Variants in LRRC8D observed in about 807,000 individuals in gnomAD.
The protein encoded by LRRC8D is volume-regulated anion channel subunit LRRC8D.
A neutral mutation model predicts 55.8 loss-of-function variants in LRRC8D; 20 were observed. That is an observed-to-expected ratio of 0.36 (90% confidence interval 0.25 to 0.52). LRRC8D has a LOEUF of 0.52. LRRC8D is among the 20% of genes least tolerant of loss of function. The pLI, the probability that LRRC8D is intolerant of heterozygous loss-of-function variation, is 0.93. For synonymous variants in LRRC8D, 352 were observed against 377.0 expected (o/e 0.93, Z 0.77); for missense variants, 651 against 1,030.8 (o/e 0.63, Z 5.05).
chr1:89,909,518 A>G (rs1663077408), intron 2 of LRRC8D, among the ~76,000 whole-genome samples: 1 of 151,946 alleles, frequency 6.6e-6, no homozygotes, highest in African/African-American at 2.4e-5. Context: ...TGGGGTTCCA[A>G]TGGTACATCG....
At position 89,871,778 on chromosome 1, in the gene LRRC8D, A is replaced by G. The variant is rs11806977; in HGVS notation, c.-3+27996A>G. On this transcript the variant is annotated intron_variant, in intron 2 of 2. Coordinates refer to ENST00000337338, the MANE Select transcript of LRRC8D (RefSeq NM_001134479.2). ...ACCTGGTACCTACGGTTTGGAACAT[A>G]TGGTGAATGGATTTATTTCAATACC... Among the ~76,000 whole-genome samples the G allele has an allele frequency of 5.7e-3, 874 of 152,360 alleles. 4 individuals carry two copies. The highest frequency in any genetic ancestry group is 0.021 in the African/African-American group (853 of 41,582).
At chr1:89,849,905 A>G (rs1049262161) in intron 2 of LRRC8D, among the ~76,000 whole-genome samples, 2 of 152,050 alleles carry the variant, frequency 1.3e-5, no homozygotes, top group Non-Finnish European at 2.9e-5. Context: ...TTGTCTCATC[A>G]CTTTATATTA....
chr1:89,838,944 C>G (rs1661067895), intron 1 of LRRC8D, among the ~76,000 whole-genome samples: 2 of 152,184 alleles, frequency 1.3e-5, no homozygotes, highest in Non-Finnish European at 2.9e-5. Flanking sequence ...TTACCAAAAT[C>G]TGGCGAGGTG....
chr1:89,880,235 C>T (rs1439242777), intron 2 of LRRC8D, among the ~76,000 whole-genome samples: 1 of 149,974 alleles, frequency 6.7e-6, no homozygotes, highest in African/African-American at 2.5e-5. Flanking sequence ...CAGGGAACTG[C>T]ATACGAGATG....
intron 1 of LRRC8D, among the ~76,000 whole-genome samples, chr1:89,826,026 C>A (rs1660753285): frequency 6.6e-6 from 1 of 152,174 alleles, no homozygotes; most frequent in Non-Finnish European, 1.5e-5. Flanking sequence ...CCTTCTTTAC[C>A]AGTCCACGTG....
intron 1 of LRRC8D, among the ~76,000 whole-genome samples, chr1:89,822,406 C>T (rs1557436728): frequency 6.6e-6 from 1 of 152,154 alleles, no homozygotes; most frequent in Non-Finnish European, 1.5e-5. Context: ...ATATTTGGCT[C>T]CTCGTTGCCT....
chr1:89,915,346 T>C (rs1033495328), intron 2 of LRRC8D, among the ~76,000 whole-genome samples: 20 of 152,246 alleles, frequency 1.3e-4, no homozygotes, highest in Non-Finnish European at 1.2e-4. Context: ...ATTACAGTTG[T>C]AACATGTTGT....
chr1:89,844,726 A>G (rs765978802), intron 2 of LRRC8D, among the ~76,000 whole-genome samples: 9 of 152,182 alleles, frequency 5.9e-5, no homozygotes, highest in Non-Finnish European at 1.2e-4. Flanking sequence ...GGCAGGTCCA[A>G]TCTTTCTCCA....
intron 2 of LRRC8D, among the ~76,000 whole-genome samples, chr1:89,886,206 A>ATT (rs1662414158): frequency 6.6e-6 from 1 of 152,108 alleles, no homozygotes; most frequent in Non-Finnish European, 1.5e-5. Context: ...ATATCCTAAG[A>ATT]TTTATCCTTT....
At chr1:89,870,447 G>A (rs1661977369) in intron 2 of LRRC8D, among the ~76,000 whole-genome samples, 1 of 151,998 alleles carries the variant, frequency 6.6e-6, no homozygotes, top group Non-Finnish European at 1.5e-5. Context: ...CTGCACTCTA[G>A]CCTGGGCGAC....
At chr1:89,869,581 G>A (rs1030418889) in intron 2 of LRRC8D, among the ~76,000 whole-genome samples, 30 of 152,150 alleles carry the variant, frequency 2.0e-4, no homozygotes, top group African/African-American at 6.3e-4. Context: ...AAGACATGCC[G>A]ACATTCAAAT....
At chr1:89,899,606 A>G (rs759431213) in intron 2 of LRRC8D, among the ~76,000 whole-genome samples, 11 of 152,232 alleles carry the variant, frequency 7.2e-5, no homozygotes, top group Non-Finnish European at 1.3e-4. Flanking sequence ...AACAATTTGA[A>G]CAATTACACT....
chr1:89,882,822 T>C (rs1662318519), intron 2 of LRRC8D, among the ~76,000 whole-genome samples: 1 of 152,208 alleles, frequency 6.6e-6, no homozygotes, highest in Admixed American at 6.5e-5. Flanking sequence ...TAGATGGCCG[T>C]TCCATATGAG....
At chr1:89,878,669 G>C (rs780074116) in intron 2 of LRRC8D, among the ~76,000 whole-genome samples, 11 of 152,124 alleles carry the variant, frequency 7.2e-5, no homozygotes, top group Non-Finnish European at 1.5e-4. Flanking sequence ...TGGAAGTATA[G>C]AAGTCTCTGA....
At chr1:89,823,816 G>A (rs972803989) in intron 1 of LRRC8D, among the ~76,000 whole-genome samples, 2 of 152,220 alleles carry the variant, frequency 1.3e-5, no homozygotes, top group Admixed American at 6.5e-5. Flanking sequence ...TAAGAATCCA[G>A]GGTGTGTGGA....
intron 2 of LRRC8D, among the ~76,000 whole-genome samples, chr1:89,872,960 T>C (rs1662058645): frequency 6.6e-6 from 1 of 152,210 alleles, no homozygotes; most frequent in African/African-American, 2.4e-5. Context: ...GAATTTTAGA[T>C]AGGAATCGTT....
chr1:89,885,776 C>T (rs1662402867), intron 2 of LRRC8D, among the ~76,000 whole-genome samples: 1 of 152,110 alleles, frequency 6.6e-6, no homozygotes, highest in African/African-American at 2.4e-5. Flanking sequence ...CAAAGAGTGC[C>T]CTGCTGTCTT....
intron 2 of LRRC8D, among the ~76,000 whole-genome samples, chr1:89,857,034 C>T (rs1301860866): frequency 6.6e-6 from 1 of 152,046 alleles, no homozygotes; most frequent in Non-Finnish European, 1.5e-5. Flanking sequence ...TACCCCAAAA[C>T]ATATGTATGT....
At chr1:89,847,098 T>A (rs147882883) in intron 2 of LRRC8D, among the ~76,000 whole-genome samples, 50 of 152,316 alleles carry the variant, frequency 3.3e-4, no homozygotes, top group African/African-American at 1.2e-3. Flanking sequence ...TTTGTAACAT[T>A]CCTTAGATGC....
Sources: gnomAD v4.1 joint callset for allele counts (sites outside exome capture counted in the v4.1 genomes callset) on GRCh38, gnomAD v4.1.1 for gene constraint, MANE v1.5 for transcripts, NCBI Gene and HGNC (gene_info 2026-07-23, HGNC 2026-07-21) for gene names.